CABIN1: variants seen among roughly 807,000 people sequenced by gnomAD.
The protein encoded by CABIN1 is calcineurin-binding protein cabin-1.
In CABIN1, 133 loss-of-function variants were observed where a neutral mutation model predicts 227.7. The ratio of observed to expected loss-of-function variants is 0.58; its 90% CI spans 0.51 to 0.67. The LOEUF (loss-of-function observed/expected upper bound fraction) is 0.67, where lower values mean the gene tolerates loss of function less well. Among genes scored for constraint, CABIN1 ranks in the 30% least tolerant of loss-of-function variants. The pLI is 0.00. For missense variants in CABIN1, 2,408 were observed against 2,852.5 expected (o/e 0.84, Z 3.55); for synonymous variants, 1,086 against 1,155.1 (o/e 0.94, Z 1.21).
chr22:24,035,475 T>C lies in CABIN1; in HGVS notation c.-43T>C. ...TGTGGACTGGGGCAACCTTTGCCAG[T>C]GATGAGAAGTGATGCTCGTGGCAGT... On this transcript the variant is annotated 5_prime_UTR_variant, in exon 2 of 37. Coordinates refer to ENST00000263119, the MANE Select transcript of CABIN1 (RefSeq NM_012295.4). The C allele has an allele frequency of 1.9e-6, 3 of 1,614,040 alleles. No homozygotes were observed. The highest frequency in any genetic ancestry group is 2.5e-6 in the Non-Finnish European group (3 of 1,179,906).
chr22:24,167,135 A>G lies in CABIN1; in HGVS notation c.5504A>G (p.His1835Arg). The G allele has an allele frequency of 6.3e-7, 1 of 1,584,208 alleles. No individual in the cohort carries two copies. Among genetic ancestry groups the G allele is most frequent in the African/African-American group, 1.3e-5 (1 of 74,490 alleles). Residue 1835 changes from histidine (H) to arginine (R), a missense_variant, in exon 32 of 37, where the codon CAC becomes CGC. Physicochemically the swap from His to Arg is conservative, Grantham distance 29. Transcript: ENST00000263119. ...ACCACAGGGACCAGGGCAGGGGGCCACCCGGAGGAGCCGCTCTCCCGGCTC... is the reference window on the plus strand; with the variant it reads ...ACCACAGGGACCAGGGCAGGGGGCCGCCCGGAGGAGCCGCTCTCCCGGCTC... ...ATTTGTRAGG[H>R]PEEPLSRLSR...
At position 24,119,396 on chromosome 22, in the gene CABIN1, G is replaced by C. The variant is rs1174669942; in HGVS notation, c.4330G>C (p.Glu1444Gln). 6.2e-7 allele frequency: 1 copy of C among 1,613,716 alleles called. No homozygotes were observed. The highest frequency in any genetic ancestry group is 8.5e-7 in the Non-Finnish European group (1 of 1,180,032). The change falls in exon 28 of 37, where the codon GAA (glutamate) becomes CAA (glutamine). Residue 1444 changes from glutamate (E) to glutamine (Q), a missense_variant. Glu to Gln is a conservative substitution (Grantham distance 29). Transcript: ENST00000263119. Reference sequence around the variant, plus strand: ...AAACGAGGAGTCATTGGAGAGTACAGAAGGCTTCCGGGCTGCAGAGCAAGG... The same window carrying C: ...AAACGAGGAGTCATTGGAGAGTACACAAGGCTTCCGGGCTGCAGAGCAAGG... ...GKNEESLESTEGFRAAEQGVQ... is the reference protein window; with the variant it reads ...GKNEESLESTQGFRAAEQGVQ...
intron 14 of CABIN1, 29 bp from the exon 15 acceptor site, chr22:24,064,006 G>A (rs753093417): frequency 1.2e-6 from 2 of 1,613,678 alleles, no homozygotes; most frequent in South Asian, 1.1e-5. Flanking sequence ...TTCTGCTTTG[G>A]TTCCCTGACC....
intron 6 of CABIN1, among the ~76,000 whole-genome samples, chr22:24,048,476 G>A (rs1465761978): frequency 6.6e-6 from 1 of 152,062 alleles, no homozygotes; most frequent in Admixed American, 6.5e-5. Context: ...GCTAGAGTAC[G>A]GTGGTATGAT....
intron 1 of CABIN1, among the ~76,000 whole-genome samples, chr22:24,031,227 G>A (rs544050446): frequency 1.3e-5 from 2 of 152,168 alleles, no homozygotes; most frequent in Non-Finnish European, 2.9e-5. Flanking sequence ...TGAGAGGCCT[G>A]TGTCTTGGCA....
chr22:24,164,956 G>T (rs1156777520), intron 30 of CABIN1, among the ~76,000 whole-genome samples: 3 of 152,220 alleles, frequency 2.0e-5, no homozygotes, highest in Non-Finnish European at 4.4e-5. Context: ...CGACAGGGGT[G>T]CCTGGGCCTC....
At chr22:24,016,998 T>TA (rs1240136816) in intron 1 of CABIN1, among the ~76,000 whole-genome samples, 1 of 151,806 alleles carries the variant, frequency 6.6e-6, no homozygotes, top group African/African-American at 2.4e-5. Context: ...TTTAGCTTTT[T>TA]AAAAAAAATT....
rs2041062506 is a variant in CABIN1 at position 24,085,051 on chromosome 22, A to G, written c.3163A>G (p.Asn1055Asp). ...EGADPSPPVV[N>D]ELYYLLADYH... is the part of the protein sequence containing the mutation. ...GGCTGACCCCTCCCCTCCAGTGGTGAACGAGCTTTACTACCTCCTGGCTGA... is the reference window on the plus strand; with the variant it reads ...GGCTGACCCCTCCCCTCCAGTGGTGGACGAGCTTTACTACCTCCTGGCTGA... Residue 1055 changes from asparagine to aspartate, a missense_variant, in exon 22 of 37, where the codon AAC becomes GAC. By Grantham distance (23) the Asn-to-Asp change is conservative. Around this residue, in one of 3 missense-constraint regions of CABIN1, gnomAD observed 649 missense variants for 910.3 expected, o/e 0.71. Coordinates refer to ENST00000263119, the MANE Select transcript of CABIN1 (RefSeq NM_012295.4). 1 of 1,614,080 alleles carries G rather than the reference A, an allele frequency of 6.2e-7. No homozygotes were observed. Among genetic ancestry groups the G allele is most frequent in the Admixed American group, 1.7e-5 (1 of 60,002 alleles).
intron 1 of CABIN1, among the ~76,000 whole-genome samples, chr22:24,033,932 C>T (rs1417127007): frequency 6.6e-6 from 1 of 152,188 alleles, no homozygotes; most frequent in Non-Finnish European, 1.5e-5. Flanking sequence ...CTCTCCAAGC[C>T]CACTAAACCA....
chr22:24,161,808 C>T (rs981445946), intron 29 of CABIN1, among the ~76,000 whole-genome samples: 19 of 152,204 alleles, frequency 1.2e-4, no homozygotes, highest in Non-Finnish European at 4.4e-5. Flanking sequence ...TGGCCATGCC[C>T]CTTCCTCCTG....
chr22:24,168,560 A>C (rs763421808), intron 33 of CABIN1, 39 bp downstream of exon 33: 6 of 1,464,718 alleles, frequency 4.1e-6, no homozygotes, highest in Non-Finnish European at 5.6e-6. Context: ...CATCTTGCGG[A>C]GCCTGCTCCA....
chr22:24,028,128 T>TA (rs2036233167), intron 1 of CABIN1, among the ~76,000 whole-genome samples: 1 of 152,120 alleles, frequency 6.6e-6, no homozygotes, highest in African/African-American at 2.4e-5. Flanking sequence ...GCATTATATC[T>TA]AAAAAAATGT....
chr22:24,063,081 G>C lies in CABIN1; in HGVS notation c.1819G>C (p.Glu607Gln), dbSNP rs756186079. 6.2e-7 allele frequency: 1 copy of C among 1,614,190 alleles called. No homozygotes were observed. The highest frequency in any genetic ancestry group is 8.5e-7 in the Non-Finnish European group (1 of 1,180,038). The change falls in exon 14 of 37, where the codon GAG becomes CAG. Residue 607 changes from glutamate to glutamine, a missense_variant. Physicochemically the swap from Glu to Gln is conservative, Grantham distance 29 (BLOSUM62 2). This residue lies in a region of CABIN1 where 1,045 missense variants were observed against 1,168.4 expected (regional missense o/e 0.89). Transcript: ENST00000263119. ...SFASSQRDLF[E>Q]DGWLEFVVRV... ...TGCCTCGTCCCAGCGCGACCTGTTCGAGGATGGTTGGCTGGAGTTTGTGGT... is the reference window on the plus strand; with the variant it reads ...TGCCTCGTCCCAGCGCGACCTGTTCCAGGATGGTTGGCTGGAGTTTGTGGT...
At chr22:24,038,301 G>T (rs752536426) in intron 3 of CABIN1, 47 bp from the exon 4 acceptor site, 1 of 1,509,544 alleles carries the variant, frequency 6.6e-7, no homozygotes, top group Admixed American at 1.7e-5. Flanking sequence ...GCTTAAAAAA[G>T]ACAGATCTTT....
chr22:24,065,259 G>A (rs2039549490), intron 15 of CABIN1, among the ~76,000 whole-genome samples: 1 of 151,506 alleles, frequency 6.6e-6, no homozygotes, highest in African/African-American at 2.4e-5. Context: ...CGGGGCGGCT[G>A]CCAGGCGGAG....
intron 29 of CABIN1, chr22:24,160,352 C>G (rs773065879): frequency 6.6e-6 from 1 of 152,240 alleles, no homozygotes; most frequent in East Asian, 1.9e-4. Context: ...TCCTGAAGAG[C>G]CTTTGCCTGT....
At chr22:24,053,669 G>T (rs774677272) in intron 8 of CABIN1, among the ~76,000 whole-genome samples, 13 of 152,148 alleles carry the variant, frequency 8.5e-5, no homozygotes, top group Admixed American at 8.5e-4. Flanking sequence ...ATGAGTCACC[G>T]TGCCCAGCCT....
intron 1 of CABIN1, among the ~76,000 whole-genome samples, chr22:24,033,636 C>A (rs2036658005): frequency 6.6e-6 from 1 of 152,224 alleles, no homozygotes. Flanking sequence ...ATCCCCATCC[C>A]AGTTCCTCGG....
chr22:24,140,711 C>T (rs1397904311), intron 29 of CABIN1, among the ~76,000 whole-genome samples: 2 of 152,248 alleles, frequency 1.3e-5, no homozygotes, highest in African/African-American at 4.8e-5. Context: ...CAGTTTCCAG[C>T]CTCTGAAAGA....
Sources: gnomAD v4.1 joint callset for allele counts (sites outside exome capture counted in the v4.1 genomes callset) on GRCh38, gnomAD v4.1.1 for gene constraint, gnomAD v4.1.1 regional missense constraint, MANE v1.5 for transcripts, NCBI Gene and HGNC (gene_info 2026-07-23, HGNC 2026-07-21) for gene names.